Variants in DNAJC1 observed in about 807,000 individuals in gnomAD.
The protein encoded by DNAJC1 is DnaJ heat shock protein family (Hsp40) member C1.
DNAJC1 carries 58 observed loss-of-function variants against 76.6 expected under a neutral mutation model. The ratio of observed to expected loss-of-function variants is 0.76; its 90% confidence interval spans 0.61 to 0.94. The LOEUF is 0.94. Ranked by LOEUF, DNAJC1 falls within the 40% of genes least tolerant of loss-of-function variation. DNAJC1 has a pLI of 0.00. For synonymous variants in DNAJC1, 258 were observed against 267.9 expected, an observed-to-expected ratio of 0.96 and a Z score of 0.36; for missense variants, 689 against 677.3, an observed-to-expected ratio of 1.02 and a Z score of -0.19.
intron 1 of DNAJC1, among the ~76,000 whole-genome samples, chr10:21,974,788 A>G (rs1354486268): frequency 2.6e-5 from 4 of 152,194 alleles, no homozygotes; most frequent in African/African-American, 9.6e-5. Flanking sequence ...TTACATATTC[A>G]TTAATAGGTA....
At chr10:21,761,201 G>A (rs1038789970) in intron 10 of DNAJC1, among the ~76,000 whole-genome samples, 1 of 152,038 alleles carries the variant, frequency 6.6e-6, no homozygotes, top group Non-Finnish European at 1.5e-5. Context: ...AAAAAAGGGG[G>A]CAATATTTTA....
At chr10:21,819,416 T>G (rs1489259091) in intron 8 of DNAJC1, among the ~76,000 whole-genome samples, 1 of 151,688 alleles carries the variant, frequency 6.6e-6, no homozygotes, top group Non-Finnish European at 1.5e-5. Context: ...AAAAAAAGTT[T>G]TGGAGGACAT....
At chr10:21,837,906 CGGGA>C (rs1248204093) in intron 8 of DNAJC1, among the ~76,000 whole-genome samples, 1 of 135,552 alleles carries the variant, frequency 7.4e-6, no homozygotes, top group African/African-American at 2.7e-5. Context: ...CCGCCCCGTC[CGGGA>C]GGGAGGTGGC....
intron 6 of DNAJC1, among the ~76,000 whole-genome samples, chr10:21,910,927 T>G (rs1222667426): frequency 1.1e-3 from 95 of 85,486 alleles, no homozygotes; most frequent in Middle Eastern, 0.011. Flanking sequence ...AAGAGAGAGA[T>G]GGAGAGAGAG....
intron 8 of DNAJC1, among the ~76,000 whole-genome samples, chr10:21,849,336 A>G (rs1835714341): frequency 6.8e-6 from 1 of 148,104 alleles, no homozygotes; most frequent in Non-Finnish European, 1.5e-5. Flanking sequence ...GCCTACACTG[A>G]TAAGAAGTAT....
chr10:21,983,811 TTC>T (rs1334721262), intron 1 of DNAJC1, among the ~76,000 whole-genome samples: 1 of 151,938 alleles, frequency 6.6e-6, no homozygotes, highest in Non-Finnish European at 1.5e-5. Flanking sequence ...GGTGCAGAGT[TTC>T]TGTTTGGGAT....
chr10:21,831,647 A>G (rs1835357687), intron 8 of DNAJC1, among the ~76,000 whole-genome samples: 1 of 152,000 alleles, frequency 6.6e-6, no homozygotes, highest in Admixed American at 6.6e-5. Flanking sequence ...AATATTAGCC[A>G]GGCATGGTGG....
intron 8 of DNAJC1, among the ~76,000 whole-genome samples, chr10:21,855,432 A>G (rs1835819317): frequency 6.6e-6 from 1 of 152,230 alleles, no homozygotes; most frequent in Non-Finnish European, 1.5e-5. Context: ...GGCCAAATCA[A>G]TAACATATAT....
intron 8 of DNAJC1, among the ~76,000 whole-genome samples, chr10:21,834,601 A>G (rs922982038): frequency 1.8e-4 from 27 of 152,190 alleles, no homozygotes; most frequent in Non-Finnish European, 2.9e-5. Context: ...CGGCACCTGG[A>G]AAATCGGGTC....
At chr10:21,942,238 AAG>A (rs1372611066) in intron 1 of DNAJC1, among the ~76,000 whole-genome samples, 3 of 152,302 alleles carry the variant, frequency 2.0e-5, no homozygotes, top group Non-Finnish European at 2.9e-5. Context: ...TAATAGGACA[AAG>A]AGTGGTAATA....
chr10:21,848,068 C>A (rs1293987898), intron 8 of DNAJC1, among the ~76,000 whole-genome samples: 1 of 152,154 alleles, frequency 6.6e-6, no homozygotes, highest in Non-Finnish European at 1.5e-5. Context: ...CTCACTTTCT[C>A]ACCAACAGTG....
intron 8 of DNAJC1, among the ~76,000 whole-genome samples, chr10:21,844,477 G>C (rs1190868229): frequency 6.6e-6 from 1 of 152,102 alleles, no homozygotes; most frequent in East Asian, 1.9e-4. Flanking sequence ...TGAATATTAA[G>C]ATTTTTAGAA....
intron 1 of DNAJC1, among the ~76,000 whole-genome samples, chr10:21,996,607 T>C (rs187764309): frequency 1.9e-4 from 29 of 152,214 alleles, no homozygotes; most frequent in East Asian, 5.8e-4. Context: ...ACTTAGGCTA[T>C]TGTCTATGAA....
At chr10:21,937,050 G>A (rs1837321929) in intron 1 of DNAJC1, among the ~76,000 whole-genome samples, 1 of 152,068 alleles carries the variant, frequency 6.6e-6, no homozygotes, top group African/African-American at 2.4e-5. Flanking sequence ...GTCACTGACA[G>A]GTTCTTAGAA....
intron 8 of DNAJC1, among the ~76,000 whole-genome samples, chr10:21,877,129 C>T (rs1039603477): frequency 6.6e-6 from 1 of 151,792 alleles, no homozygotes; most frequent in Non-Finnish European, 1.5e-5. Flanking sequence ...TAAAAATTAG[C>T]CGGGTGTGGT....
At chr10:21,901,109 C>G (rs1012654493) in intron 7 of DNAJC1, among the ~76,000 whole-genome samples, 1 of 152,160 alleles carries the variant, frequency 6.6e-6, no homozygotes, top group Non-Finnish European at 1.5e-5. Context: ...GGGCATGCAA[C>G]AAGGACCACA....
chr10:21,933,067 G>C (rs370250757), intron 1 of DNAJC1: 1 of 152,204 alleles, frequency 6.6e-6, no homozygotes, highest in South Asian at 2.1e-4. Context: ...GAGTCAAAAA[G>C]ATAAAAAATT....
chr10:21,814,691 C>G (rs1205464913), intron 8 of DNAJC1, among the ~76,000 whole-genome samples: 1 of 152,142 alleles, frequency 6.6e-6, no homozygotes, highest in Non-Finnish European at 1.5e-5. Context: ...TCAGGGAGAT[C>G]TCGCAGAGAA....
intron 9 of DNAJC1, among the ~76,000 whole-genome samples, chr10:21,766,592 G>A (rs890721524): frequency 6.6e-6 from 1 of 152,116 alleles, no homozygotes; most frequent in East Asian, 1.9e-4. Flanking sequence ...TCCGTTATAC[G>A]AGGCTGCCTC....
Sources: allele counts gnomAD v4.1 joint callset (sites outside exome capture counted in the v4.1 genomes callset), GRCh38; gene constraint gnomAD v4.1.1; transcripts MANE v1.5; gene names NCBI Gene and HGNC (gene_info 2026-07-23, HGNC 2026-07-21).